The following VRK2 variants were observed in gnomAD, a reference collection of about 807,000 sequenced individuals.
VRK2 encodes the protein serine/threonine-protein kinase VRK2.
Under a neutral mutation model 57.6 loss-of-function variants are expected in VRK2, and 60 were observed. The ratio of observed to expected loss-of-function variants is 1.04; its 90% confidence interval spans 0.85 to 1.29. The LOEUF (loss-of-function observed/expected upper bound fraction) is 1.29. Among genes scored for constraint, VRK2 ranks in the 50% most tolerant of loss-of-function variants. The pLI, the probability that VRK2 is intolerant of heterozygous loss-of-function variation, is 0.00. For missense variants in VRK2, 705 were observed against 588.1 expected, an observed-to-expected ratio of 1.20 and a Z score of -2.06; for synonymous variants, 231 against 199.2, an observed-to-expected ratio of 1.16 and a Z score of -1.35.
At chr2:57,959,786 C>T (rs886795752) in intron 1 of VRK2, among the ~76,000 whole-genome samples, 3 of 151,978 alleles carry the variant, frequency 2.0e-5, no homozygotes, top group Non-Finnish European at 2.9e-5. Flanking sequence ...TAGCTGGCAG[C>T]GCTGAATTCC....
chr2:58,070,611 A>G (rs1261582672), intron 2 of VRK2, among the ~76,000 whole-genome samples: 3 of 152,176 alleles, frequency 2.0e-5, no homozygotes, highest in East Asian at 1.9e-4. Context: ...TCACAAAACT[A>G]TATGTTTTTA....
At chr2:58,156,927 G>A (rs1683970122) in intron 12 of VRK2, among the ~76,000 whole-genome samples, 3 of 152,104 alleles carry the variant, frequency 2.0e-5, no homozygotes, top group Admixed American at 2.0e-4. Context: ...TGAACATTGT[G>A]GATGCTGTGG....
chr2:58,052,364 G>A (rs1675874617), intron 2 of VRK2, among the ~76,000 whole-genome samples: 1 of 152,098 alleles, frequency 6.6e-6, no homozygotes, highest in South Asian at 2.1e-4. Context: ...AGTAATCCTA[G>A]CACTTTGGAA....
intron 7 of VRK2, among the ~76,000 whole-genome samples, chr2:58,109,035 A>G (rs190529710): frequency 6.6e-6 from 1 of 152,192 alleles, no homozygotes; most frequent in Non-Finnish European, 1.5e-5. Context: ...ATAAGTATGC[A>G]TTCATTTTTC....
intron 7 of VRK2, among the ~76,000 whole-genome samples, chr2:58,090,421 A>AT (rs1573038417): frequency 6.6e-6 from 1 of 151,414 alleles, no homozygotes; most frequent in East Asian, 1.9e-4. Flanking sequence ...AAAAAAAAAA[A>AT]GTTTTAAGCA....
intron 12 of VRK2, among the ~76,000 whole-genome samples, chr2:58,152,742 A>T (rs1189777796): frequency 6.6e-6 from 1 of 151,610 alleles, no homozygotes. Context: ...CATTTTTTTA[A>T]CAGTTTATTT....
intron 1 of VRK2, among the ~76,000 whole-genome samples, chr2:57,968,563 G>T (rs903231458): frequency 6.6e-6 from 1 of 152,102 alleles, no homozygotes; most frequent in African/African-American, 2.4e-5. Context: ...ATGACTCAAG[G>T]ATTTTTATAC....
intron 7 of VRK2, among the ~76,000 whole-genome samples, chr2:58,096,457 G>C (rs1360603655): frequency 2.0e-5 from 3 of 151,752 alleles, no homozygotes; most frequent in Admixed American, 1.3e-4. Flanking sequence ...ATCTCTATTT[G>C]AGTGTCTGTT....
intron 12 of VRK2, among the ~76,000 whole-genome samples, chr2:58,153,493 C>T (rs1683349720): frequency 6.6e-6 from 1 of 152,050 alleles, no homozygotes; most frequent in African/African-American, 2.4e-5. Context: ...CTTCTTTAGA[C>T]TGTTACCATA....
intron 2 of VRK2, among the ~76,000 whole-genome samples, chr2:58,061,212 A>G (rs1677283651): frequency 6.6e-6 from 1 of 151,888 alleles, no homozygotes; most frequent in Admixed American, 6.6e-5. Flanking sequence ...GTTACATATC[A>G]ACCCTTTAGG....
chr2:58,132,042 A>G (rs747998556), intron 9 of VRK2, 114 bp downstream of exon 9: 2 of 1,319,044 alleles, frequency 1.5e-6, no homozygotes, highest in Admixed American at 5.5e-5. Flanking sequence ...ACCAAAGCAA[A>G]TTTCTTTAGT....
At chr2:58,007,165 T>C (rs1315604060) in intron 1 of VRK2, among the ~76,000 whole-genome samples, 1 of 151,732 alleles carries the variant, frequency 6.6e-6, no homozygotes, top group Admixed American at 6.6e-5. Context: ...TTGGGACTTC[T>C]CAGCCTCCAA....
chr2:58,137,408 T>G (rs958787216), intron 10 of VRK2, among the ~76,000 whole-genome samples: 1 of 151,640 alleles, frequency 6.6e-6, no homozygotes, highest in African/African-American at 2.4e-5. Flanking sequence ...CATACTCTAT[T>G]GTTAAAGATT....
chr2:58,122,442 C>A (rs1342851600), intron 7 of VRK2, among the ~76,000 whole-genome samples: 1 of 152,170 alleles, frequency 6.6e-6, no homozygotes, highest in Non-Finnish European at 1.5e-5. Flanking sequence ...ATACCGTATT[C>A]TTACAATAAA....
chr2:58,132,035 A>G, intron 9 of VRK2, 107 bp downstream of exon 9: 2 of 1,384,886 alleles, frequency 1.4e-6, no homozygotes, highest in Non-Finnish European at 1.9e-6. Flanking sequence ...CATGACAACC[A>G]AAGCAAATTT....
chr2:57,942,101 G>A (rs1671114306), intron 1 of VRK2, among the ~76,000 whole-genome samples: 1 of 152,166 alleles, frequency 6.6e-6, no homozygotes, highest in African/African-American at 2.4e-5. Context: ...AAGCACTAAT[G>A]AAACACACTG....
At chr2:58,130,857 G>A (rs937350817) in intron 8 of VRK2, among the ~76,000 whole-genome samples, 2 of 151,918 alleles carry the variant, frequency 1.3e-5, no homozygotes, top group Admixed American at 6.6e-5. Flanking sequence ...TTATTTTACG[G>A]GTATTTGCTG....
chr2:58,089,948 C>A (rs529788475), intron 7 of VRK2, among the ~76,000 whole-genome samples: 2 of 152,146 alleles, frequency 1.3e-5, no homozygotes, highest in East Asian at 3.9e-4. Context: ...AATGGGCACA[C>A]AGTTAAGAAG....
intron 7 of VRK2, among the ~76,000 whole-genome samples, chr2:58,096,899 G>A (rs1039233899): frequency 6.6e-6 from 1 of 151,470 alleles, no homozygotes. Flanking sequence ...TTATTCTTTG[G>A]AAAGTTTGTA....
Sources: gnomAD v4.1 joint callset for allele counts (sites outside exome capture counted in the v4.1 genomes callset) on GRCh38, gnomAD v4.1.1 for gene constraint, MANE v1.5 for transcripts, NCBI Gene and HGNC (gene_info 2026-07-23, HGNC 2026-07-21) for gene names.